The following GALNT17 variants were observed in gnomAD, a reference collection of about 807,000 sequenced individuals.
GALNT17 encodes polypeptide N-acetylgalactosaminyltransferase 17.
Under a neutral mutation model 63.7 loss-of-function variants are expected in GALNT17, and 29 were observed. The ratio of observed to expected loss-of-function variants is 0.46; its 90% CI spans 0.34 to 0.62. The LOEUF is 0.62. Among genes scored for constraint, GALNT17 ranks in the 20% least tolerant of loss-of-function variants. GALNT17 has a pLI of 0.01. For synonymous variants in GALNT17, 305 were observed against 318.3 expected, an observed-to-expected ratio of 0.96 and a Z score of 0.45; for missense variants, 603 against 799.6, an observed-to-expected ratio of 0.75 and a Z score of 2.97.
intron 1 of GALNT17, among the ~76,000 whole-genome samples, chr7:71,147,118 A>G (rs1788038382): frequency 6.6e-6 from 1 of 152,172 alleles, no homozygotes; most frequent in Non-Finnish European, 1.5e-5. Context: ...TGAGACCGGT[A>G]TGATTGTAGG....
intron 6 of GALNT17, among the ~76,000 whole-genome samples, chr7:71,584,067 A>T (rs376624183): frequency 6.6e-6 from 1 of 152,146 alleles, no homozygotes; most frequent in Non-Finnish European, 1.5e-5. Flanking sequence ...GGGAGGCAGA[A>T]GTTGCAGTGA....
intron 4 of GALNT17, 131 bp from the exon 5 acceptor site, chr7:71,420,777 G>A: frequency 9.1e-7 from 1 of 1,094,388 alleles, no homozygotes; most frequent in South Asian, 1.4e-5. Context: ...GGGAGCCTCA[G>A]TTTGCATCTG....
At chr7:71,253,516 C>CTT (rs766396594) in intron 1 of GALNT17, among the ~76,000 whole-genome samples, 7 of 141,926 alleles carry the variant, frequency 4.9e-5, no homozygotes, top group African/African-American at 1.6e-4. Flanking sequence ...CCTACTCTTC[C>CTT]TTTTTTTTTT....
intron 1 of GALNT17, among the ~76,000 whole-genome samples, chr7:71,151,404 G>A (rs1205906177): frequency 2.0e-5 from 3 of 152,082 alleles, no homozygotes; most frequent in Admixed American, 6.5e-5. Context: ...GGCAGATCAC[G>A]AGGTCAGGAG....
Position 71,388,237 on chromosome 7 carries a change from G to A in GALNT17, c.425G>A (p.Cys142Tyr). Residue 142 changes from cysteine (C) to tyrosine (Y), a missense_variant and splice_region_variant, in exon 3 of 11, where the codon TGT becomes TAT. Cys to Tyr is a radical substitution (Grantham distance 194). Coordinates refer to ENST00000333538, the MANE Select transcript of GALNT17 (RefSeq NM_022479.3). ...RSIPDYRPTKCKELKYSKDLP... is the reference protein window; with the variant it reads ...RSIPDYRPTKYKELKYSKDLP... Reference sequence around the variant, plus strand: ...ATTTCCGATCTCTCCTTCCCCAGGTGTAAGGAGCTCAAGTACTCCAAGGAC... The same window carrying A: ...ATTTCCGATCTCTCCTTCCCCAGGTATAAGGAGCTCAAGTACTCCAAGGAC... 6.2e-7 allele frequency: 1 copy of A among 1,613,572 alleles called. No individual in the cohort carries two copies. The highest frequency in any genetic ancestry group is 8.5e-7 in the Non-Finnish European group (1 of 1,179,722).
intron 5 of GALNT17, among the ~76,000 whole-genome samples, chr7:71,505,634 C>T (rs760496493): frequency 5.9e-5 from 9 of 152,224 alleles, no homozygotes; most frequent in Middle Eastern, 6.8e-3. Context: ...AGAACCTCCT[C>T]GGCATTCCTG....
chr7:71,511,082 T>C (rs575666044), intron 5 of GALNT17, among the ~76,000 whole-genome samples: 1 of 152,228 alleles, frequency 6.6e-6, no homozygotes, highest in Non-Finnish European at 1.5e-5. Context: ...CTCAGGAGGC[T>C]GAGGCAGGAG....
chr7:71,406,560 A>G (rs1425738476), intron 3 of GALNT17, among the ~76,000 whole-genome samples: 1 of 152,130 alleles, frequency 6.6e-6, no homozygotes, highest in Non-Finnish European at 1.5e-5. Context: ...TATGCAACCG[A>G]GTTTCTCCCC....
intron 5 of GALNT17, among the ~76,000 whole-genome samples, chr7:71,463,610 T>C (rs974482310): frequency 6.6e-6 from 1 of 152,210 alleles, no homozygotes; most frequent in Non-Finnish European, 1.5e-5. Flanking sequence ...AATATAGTTA[T>C]AGTTATTTCT....
At chr7:71,504,527 T>G (rs1477902388) in intron 5 of GALNT17, among the ~76,000 whole-genome samples, 4 of 152,170 alleles carry the variant, frequency 2.6e-5, no homozygotes, top group Admixed American at 2.0e-4. Context: ...TATTTACATA[T>G]TTTACATAGT....
chr7:71,140,267 A>T (rs892918042), intron 1 of GALNT17, among the ~76,000 whole-genome samples: 5 of 152,170 alleles, frequency 3.3e-5, no homozygotes, highest in Non-Finnish European at 7.3e-5. Flanking sequence ...TTCCACAGGG[A>T]TTGAGGACAG....
intron 5 of GALNT17, among the ~76,000 whole-genome samples, chr7:71,479,112 A>G (rs1356573160): frequency 1.3e-5 from 2 of 152,084 alleles, no homozygotes; most frequent in African/African-American, 2.4e-5. Context: ...TGCCTGCCCT[A>G]ATTAGGTGGG....
intron 5 of GALNT17, among the ~76,000 whole-genome samples, chr7:71,490,109 T>A (rs1017272598): frequency 1.3e-5 from 2 of 151,748 alleles, no homozygotes; most frequent in African/African-American, 2.4e-5. Context: ...TACAAAAAAA[T>A]TTAGCTGGGC....
intron 6 of GALNT17, among the ~76,000 whole-genome samples, chr7:71,609,913 A>G (rs1171355083): frequency 1.3e-5 from 2 of 152,132 alleles, no homozygotes; most frequent in African/African-American, 2.4e-5. Flanking sequence ...GGCTCAATCG[A>G]TAAATATTTA....
intron 6 of GALNT17, among the ~76,000 whole-genome samples, chr7:71,589,915 C>T (rs572643677): frequency 5.9e-5 from 9 of 152,258 alleles, no homozygotes; most frequent in East Asian, 3.9e-4. Context: ...TACACGGTGA[C>T]GCAGTCATAT....
intron 1 of GALNT17, among the ~76,000 whole-genome samples, chr7:71,175,440 A>G (rs1042447488): frequency 1.3e-5 from 2 of 152,098 alleles, no homozygotes; most frequent in African/African-American, 2.4e-5. Flanking sequence ...TTATCTATCT[A>G]TCATCTATCT....
At chr7:71,609,943 G>A (rs1322898115) in intron 6 of GALNT17, among the ~76,000 whole-genome samples, 4 of 152,050 alleles carry the variant, frequency 2.6e-5, no homozygotes, top group Non-Finnish European at 5.9e-5. Context: ...TATATGATGA[G>A]TGAATGAACA....
intron 9 of GALNT17, among the ~76,000 whole-genome samples, chr7:71,706,820 G>A (rs929156885): frequency 6.6e-6 from 1 of 152,198 alleles, no homozygotes; most frequent in Non-Finnish European, 1.5e-5. Flanking sequence ...ACCCCATGCA[G>A]AGAATCTTAT....
At chr7:71,368,742 T>C (rs1004491096) in intron 2 of GALNT17, among the ~76,000 whole-genome samples, 2 of 152,182 alleles carry the variant, frequency 1.3e-5, no homozygotes, top group Non-Finnish European at 2.9e-5. Flanking sequence ...TGTTTGCAAA[T>C]GTCACAGTTA....
Sources: gnomAD v4.1 joint callset for allele counts (sites outside exome capture counted in the v4.1 genomes callset) on GRCh38, gnomAD v4.1.1 for gene constraint, MANE v1.5 for transcripts, NCBI Gene and HGNC (gene_info 2026-07-23, HGNC 2026-07-21) for gene names.